TERT: variants seen among roughly 807,000 people sequenced by gnomAD.
TERT encodes telomerase reverse transcriptase, also known as telomerase catalytic subunit.
A neutral mutation model predicts 104.0 loss-of-function variants in TERT; 42 were observed. The ratio of observed to expected loss-of-function variants is 0.40; its 90% CI spans 0.32 to 0.52. The LOEUF is 0.52. Ranked by LOEUF, TERT falls within the 20% of genes least tolerant of loss-of-function variation. TERT has a pLI of 0.43. For synonymous variants in TERT, 781 were observed against 725.6 expected (o/e 1.08, Z -1.23); for missense variants, 1,101 against 1,610.3 (o/e 0.68, Z 5.41).
intron 6 of TERT, among the ~76,000 whole-genome samples, chr5:1,273,834 T>C (rs111281378): frequency 5.4e-4 from 80 of 148,322 alleles, no homozygotes; most frequent in African/African-American, 1.8e-3. Context: ...CGTGACCGAC[T>C]GCCATCCACA....
At position 1,255,379 on chromosome 5, in the gene TERT, T is replaced by C. The variant is rs878855304; in HGVS notation, c.3065A>G (p.His1022Arg). The change falls in exon 14 of 16, where the codon CAT becomes CGT. Residue 1022 changes from histidine (H) to arginine (R), a missense_variant. This residue lies in a region of TERT where 463 missense variants were observed against 797.5 expected (regional missense o/e 0.58). Coordinates refer to ENST00000310581, the MANE Select transcript of TERT (RefSeq NM_198253.3). This position sits in a 1 kb window ranked among gnomAD's most constrained non-coding sequence, Gnocchi z 6.9. ...TGTGGGGTTCTTCCAAACTTGCTGA[T>C]GAAATGGGAGCTGCAGCACACATGC... ...FHACVLQLPF[H>R]QQVWKNPTFF... The C allele has an allele frequency of 6.2e-7, 1 of 1,614,198 alleles. No homozygotes were observed. The highest frequency in any genetic ancestry group is 1.7e-5 in the Admixed American group (1 of 60,032).
rs144779807 is a variant in TERT at position 1,268,529 on chromosome 5, C to T, written c.2573G>A (p.Arg858Gln). The change falls in exon 9 of 16, where the codon CGG becomes CAG. Residue 858 changes from arginine to glutamine, a missense_variant. This residue lies in a region of TERT where 463 missense variants were observed against 797.5 expected (regional missense o/e 0.58). Transcript: ENST00000310581. This position sits in a 1 kb window ranked among gnomAD's most constrained non-coding sequence, Gnocchi z 5.5. Reference protein sequence around the residue: ...DMENKLFAGIRRDGLLLRLVD... With the variant: ...DMENKLFAGIQRDGLLLRLVD... The stretch of plus-strand genomic sequence containing the variant: ...GAAGAGGAGGCCTCACCCGTCCCGC[C>T]GAATCCCCGCAAACAGCTTGTTCTC... 2.0e-5 allele frequency: 33 copies of T among 1,613,444 alleles called. No homozygotes were observed. In the African/African-American group the frequency reaches 2.7e-4, roughly 13 times the overall value.
chr5:1,278,599 G>A (rs370462492), intron 6 of TERT, 42 bp downstream of exon 6: 2 of 1,613,550 alleles, frequency 1.2e-6, no homozygotes, highest in Non-Finnish European at 1.7e-6. Context: ...TCATATCCCA[G>A]AGACACACAT....
At chr5:1,277,410 G>C (rs931194203) in intron 6 of TERT, among the ~76,000 whole-genome samples, 1 of 152,220 alleles carries the variant, frequency 6.6e-6, no homozygotes, top group Admixed American at 6.5e-5. Context: ...ATACATCCAC[G>C]TGGCGAGTTC....
Position 1,294,628 on chromosome 5 carries a change from C to T in TERT, c.258G>A (p.Gln86=). The part of the protein sequence containing the change: ...CLKELVARVL[Q]RLCERGAKNV... ...TCTTCGCGCCGCGCTCGCACAGCCT[C>T]TGCAGCACTCGGGCCACCAGCTCCT... Residue 86 remains glutamine, a synonymous_variant, in exon 2 of 16, where the codon CAG becomes CAA. Transcript: ENST00000310581. 1 of 1,596,374 alleles carries T rather than the reference C, an allele frequency of 6.3e-7. No homozygotes were observed. The highest frequency in any genetic ancestry group is 1.1e-5 in the South Asian group (1 of 90,756).
chr5:1,289,123 G>C (rs1230649735), intron 2 of TERT, among the ~76,000 whole-genome samples: 3 of 151,902 alleles, frequency 2.0e-5, no homozygotes, highest in South Asian at 2.1e-4. Context: ...GACACCCAGG[G>C]ACAGCGCCTC....
chr5:1,254,346 A>T, intron 15 of TERT, 22 bp downstream of exon 15: 2 of 1,612,682 alleles, frequency 1.2e-6, no homozygotes, highest in Non-Finnish European at 8.5e-7. Context: ...TGGGGCCCGC[A>T]CTGGCCTCCA....
At chr5:1,276,679 C>T (rs56000905) in intron 6 of TERT, among the ~76,000 whole-genome samples, 2 of 46,384 alleles carry the variant, frequency 4.3e-5, no homozygotes, top group Non-Finnish European at 1.8e-4. Context: ...CCCCACCTAC[C>T]CCACACATGA....
chr5:1,260,210 C>T (rs1049613000), intron 12 of TERT, among the ~76,000 whole-genome samples: 7 of 152,232 alleles, frequency 4.6e-5, no homozygotes, highest in South Asian at 2.1e-4. Flanking sequence ...AATGCCCACA[C>T]GACTGTGCAC....
chr5:1,259,063 A>G (rs1272905649), intron 12 of TERT, among the ~76,000 whole-genome samples: 18 of 119,428 alleles, frequency 1.5e-4, no homozygotes, highest in Admixed American at 1.1e-3. Flanking sequence ...GAGAGAGGGA[A>G]TGGAGTGGAT....
Position 1,265,138 on chromosome 5 carries a change from G to A in TERT, c.2655-546C>T, listed in dbSNP as rs746223284. On this transcript the variant is annotated intron_variant, in intron 10 of 15. Transcript: ENST00000310581. The surrounding 1 kb of genome is among the most constrained non-coding windows in gnomAD (Gnocchi z 6.9). ...GGGCAACACCAGTCGTCAGCTTCAC[G>A]TCAAGGAGGTTCCCTCGCCGAGTCA... Among the ~76,000 whole-genome samples, 21 of 152,190 alleles carry A rather than the reference G, an allele frequency of 1.4e-4. No homozygotes were observed. Among genetic ancestry groups the A allele is most frequent in the African/African-American group, 4.1e-4 (17 of 41,448 alleles).
chr5:1,279,518 G>A, intron 4 of TERT, 48 bp from the exon 5 acceptor site: 1 of 1,537,622 alleles, frequency 6.5e-7, no homozygotes, highest in Non-Finnish European at 8.8e-7. Context: ...ATCCGGCCAA[G>A]TGCCCACCCC....
chr5:1,269,408 G>C lies in TERT; in HGVS notation c.2469-775C>G, dbSNP rs553360602. ...GTGGATCACCTGAGGTCAGGAGTTCGAGACCAGCCTGGCCAACATGGCAAA... is the reference window on the plus strand; with the variant it reads ...GTGGATCACCTGAGGTCAGGAGTTCCAGACCAGCCTGGCCAACATGGCAAA... On this transcript the variant is annotated intron_variant, in intron 8 of 15. Coordinates refer to ENST00000310581, the MANE Select transcript of TERT (RefSeq NM_198253.3). The surrounding 1 kb of genome is among the most constrained non-coding windows in gnomAD (Gnocchi z 9.0). Among the ~76,000 whole-genome samples the C allele has an allele frequency of 1.3e-5, 2 of 152,176 alleles. No homozygotes were observed. The highest frequency in any genetic ancestry group is 1.9e-4 in the East Asian group (1 of 5,188).
intron 3 of TERT, among the ~76,000 whole-genome samples, chr5:1,281,699 G>T (rs998567949): frequency 6.6e-6 from 1 of 152,120 alleles, no homozygotes; most frequent in East Asian, 1.9e-4. Flanking sequence ...CCCTGCACAG[G>T]TGCTCCCTGC....
chr5:1,282,015 G>T (rs1398225713), intron 3 of TERT, among the ~76,000 whole-genome samples: 1 of 151,996 alleles, frequency 6.6e-6, no homozygotes, highest in East Asian at 1.9e-4. Flanking sequence ...TTAAACCCAG[G>T]AGGTGGAGGT....
chr5:1,275,472 C>A (rs1326316572), intron 6 of TERT, among the ~76,000 whole-genome samples: 1 of 152,080 alleles, frequency 6.6e-6, no homozygotes, highest in Non-Finnish European at 1.5e-5. Flanking sequence ...CACATCCAGG[C>A]CAATGAACAC....
rs763842026 is a variant in TERT at position 1,288,436 on chromosome 5, G to A, written c.1573+4877C>T. 5.9e-5 allele frequency among the ~76,000 whole-genome samples: 9 copies of A among 152,152 alleles called. No individual in the cohort carries two copies. The highest frequency in any genetic ancestry group is 7.4e-5 in the Non-Finnish European group (5 of 68,024). On this transcript the variant is annotated intron_variant, in intron 2 of 15. Transcript: ENST00000310581. The surrounding 1 kb of genome is among the most constrained non-coding windows in gnomAD (Gnocchi z 5.3). ...AGAGGGAAGTCTGACGAAGGCTGGC[G>A]GAGACACCGGCCCTCCACGTGGGTC...
At chr5:1,280,456 C>A in intron 3 of TERT, 118 bp from the exon 4 acceptor site, 1 of 1,159,442 alleles carries the variant, frequency 8.6e-7, no homozygotes, top group Non-Finnish European at 1.2e-6. Context: ...CACGGCAGCA[C>A]ACGCTGAAGG....
At chr5:1,272,358 G>A in intron 6 of TERT, 78 bp from the exon 7 acceptor site, 1 of 1,256,966 alleles carries the variant, frequency 8.0e-7, no homozygotes, top group Non-Finnish European at 1.1e-6. Flanking sequence ...CTTCCGATCA[G>A]GACGTGTGGA....
Sources: allele counts gnomAD v4.1 joint callset (sites outside exome capture counted in the v4.1 genomes callset), GRCh38; gene constraint gnomAD v4.1.1; regional missense constraint gnomAD v4.1.1; non-coding constraint Gnocchi (gnomAD v3.1); transcripts MANE v1.5; gene names NCBI Gene and HGNC (gene_info 2026-07-23, HGNC 2026-07-21).